Variants in HIVEP3 observed in about 807,000 individuals in gnomAD.
The protein encoded by HIVEP3 is transcription factor HIVEP3.
HIVEP3 carries 49 observed loss-of-function variants against 152.8 expected under a neutral mutation model. That is an observed-to-expected ratio of 0.32 (90% CI 0.26 to 0.41). The LOEUF (loss-of-function observed/expected upper bound fraction) is 0.41. Ranked by LOEUF, HIVEP3 falls within the 10% of genes least tolerant of loss-of-function variation. The probability of loss-of-function intolerance (pLI) is 1.00; values close to 1 mark genes in which losing one functional copy is unlikely to be tolerated. For synonymous variants in HIVEP3, 1,269 were observed against 1,289.0 expected, an observed-to-expected ratio of 0.98 and a Z score of 0.33; for missense variants, 2,790 against 3,103.3, an observed-to-expected ratio of 0.90 and a Z score of 2.40.
At chr1:41,562,868 C>A (rs1051956760) in intron 5 of HIVEP3, among the ~76,000 whole-genome samples, 1 of 152,162 alleles carries the variant, frequency 6.6e-6, no homozygotes, top group South Asian at 2.1e-4. Context: ...AAGGTAAGGA[C>A]GATTGGTGGA....
At chr1:41,545,041 CCACTACCACCACCAT>C (rs1170081843) in intron 5 of HIVEP3, among the ~76,000 whole-genome samples, 11 of 96,216 alleles carry the variant, frequency 1.1e-4, no homozygotes, top group African/African-American at 3.6e-4. Context: ...ACCACCAATA[CCACTACCACCACCAT>C]CACTACCACC....
At chr1:41,717,112 G>A (rs888749715) in intron 1 of HIVEP3, among the ~76,000 whole-genome samples, 8 of 152,208 alleles carry the variant, frequency 5.3e-5, no homozygotes, top group South Asian at 2.1e-4. Flanking sequence ...GGCACCCAGA[G>A]TGGTACCTGG....
chr1:41,515,450 A>G (rs1642575695), intron 7 of HIVEP3, among the ~76,000 whole-genome samples: 1 of 152,144 alleles, frequency 6.6e-6, no homozygotes, highest in African/African-American at 2.4e-5. Flanking sequence ...AGGGCTGGGG[A>G]TGGGGGTGAA....
chr1:41,616,003 G>A lies in HIVEP3; in HGVS notation c.-522+12746C>T, dbSNP rs149640888. Among the ~76,000 whole-genome samples the A allele has an allele frequency of 1.1e-4, 16 of 151,898 alleles. No homozygotes were observed. In the East Asian group the frequency reaches 1.5e-3, roughly 15 times the overall value. On this transcript the variant is annotated intron_variant, in intron 3 of 8. Coordinates refer to ENST00000372583, the MANE Select transcript of HIVEP3 (RefSeq NM_024503.5). ...CTCTGCTAAGATGACACTCTCTACCGCATCTCAAGTGGTTTAACCAAAGGG... is the reference window on the plus strand; with the variant it reads ...CTCTGCTAAGATGACACTCTCTACCACATCTCAAGTGGTTTAACCAAAGGG...
At chr1:41,881,787 G>C (rs1350661224) in intron 1 of HIVEP3, among the ~76,000 whole-genome samples, 2 of 152,192 alleles carry the variant, frequency 1.3e-5, no homozygotes, top group Non-Finnish European at 2.9e-5. Flanking sequence ...TTTTAAAAAT[G>C]TGTTTTATTA....
At chr1:41,529,238 ACC>A (rs1284683628) in intron 5 of HIVEP3, among the ~76,000 whole-genome samples, 1 of 71,972 alleles carries the variant, frequency 1.4e-5, no homozygotes, top group African/African-American at 7.7e-5. Flanking sequence ...ACATGCTCAC[ACC>A]CCCACTCACA....
chr1:41,907,115 G>A (rs1451411870), intron 1 of HIVEP3, among the ~76,000 whole-genome samples: 1 of 152,130 alleles, frequency 6.6e-6, no homozygotes, highest in African/African-American at 2.4e-5. Context: ...TGCCTCCCAG[G>A]TAGAAAGCAT....
intron 1 of HIVEP3, among the ~76,000 whole-genome samples, chr1:41,782,225 G>C (rs1649087734): frequency 2.0e-5 from 3 of 152,192 alleles, no homozygotes; most frequent in African/African-American, 7.2e-5. Flanking sequence ...GACAAATACT[G>C]TATAACTCCA....
chr1:41,704,438 G>A (rs149166110), intron 1 of HIVEP3, among the ~76,000 whole-genome samples: 4 of 152,374 alleles, frequency 2.6e-5, no homozygotes, highest in African/African-American at 9.6e-5. Context: ...TCAGCTTAGA[G>A]AATTCCTTGC....
At chr1:41,540,295 A>G (rs1643496813) in intron 5 of HIVEP3, among the ~76,000 whole-genome samples, 1 of 152,240 alleles carries the variant, frequency 6.6e-6, no homozygotes, top group Non-Finnish European at 1.5e-5. Context: ...AGGTAAGAAA[A>G]GGCTGTGAAC....
At chr1:41,898,808 G>A (rs1200423317) in intron 1 of HIVEP3, among the ~76,000 whole-genome samples, 2 of 152,224 alleles carry the variant, frequency 1.3e-5, no homozygotes, top group African/African-American at 4.8e-5. Context: ...CTAGAGGGTT[G>A]TAAGAATTTA....
chr1:41,523,450 G>T (rs1642817781), intron 6 of HIVEP3, among the ~76,000 whole-genome samples: 1 of 152,112 alleles, frequency 6.6e-6, no homozygotes, highest in South Asian at 2.1e-4. Flanking sequence ...AGCTCAACTT[G>T]CAGATGATGG....
At chr1:41,966,472 A>ATTTTTTTTTTTT (rs1217444785) in intron 1 of HIVEP3, among the ~76,000 whole-genome samples, 33 of 46,530 alleles carry the variant, frequency 7.1e-4, no homozygotes, top group Middle Eastern at 0.013. Flanking sequence ...AGTGTGCTGT[A>ATTTTTTTTTTTT]TTCTTTTTTT....
chr1:41,836,203 C>T (rs865911818), intron 1 of HIVEP3, among the ~76,000 whole-genome samples: 3 of 152,322 alleles, frequency 2.0e-5, no homozygotes, highest in Middle Eastern at 3.4e-3. Context: ...CTGCCTCAGT[C>T]GGGGCCTGGC....
chr1:41,535,456 C>A (rs1643373753), intron 5 of HIVEP3: 1 of 152,262 alleles, frequency 6.6e-6, no homozygotes. Context: ...CACAGGCTGC[C>A]CTTTATCAGG....
chr1:41,513,188 A>G lies in HIVEP3; in HGVS notation c.6033T>C (p.Pro2011=), dbSNP rs777278298. ...CCCTTCCTGGGTCCACGTGCAGGCCAGGTGGGCTTGGGGCTGAGGCCTGTG... is the reference window on the plus strand; with the variant it reads ...CCCTTCCTGGGTCCACGTGCAGGCCGGGTGGGCTTGGGGCTGAGGCCTGTG... ...REPQASAPSP[P]GLHVDPGRGM... The change falls in exon 8 of 9, where the codon CCT becomes CCC. Residue 2011 remains proline, a synonymous_variant. Coordinates refer to ENST00000372583, the MANE Select transcript of HIVEP3 (RefSeq NM_024503.5). 8.7e-5 allele frequency: 140 copies of G among 1,613,690 alleles called. No homozygotes were observed. The highest frequency in any genetic ancestry group is 1.7e-5 in the Non-Finnish European group (20 of 1,179,986).
chr1:41,708,219 T>C (rs1367563297), intron 1 of HIVEP3, among the ~76,000 whole-genome samples: 2 of 152,216 alleles, frequency 1.3e-5, no homozygotes, highest in East Asian at 3.8e-4. Context: ...CCCCATGCAG[T>C]TGAGATTGTA....
intron 4 of HIVEP3, among the ~76,000 whole-genome samples, chr1:41,579,013 C>T (rs1644362361): frequency 6.6e-6 from 1 of 152,242 alleles, no homozygotes; most frequent in African/African-American, 2.4e-5. Context: ...GAATTTCAAA[C>T]TTGCTGAGCT....
chr1:41,640,285 C>A (rs1238986301), intron 2 of HIVEP3, among the ~76,000 whole-genome samples: 1 of 15,516 alleles, frequency 6.4e-5, no homozygotes, highest in South Asian at 2.9e-3. Context: ...GGTTGGGGGG[C>A]GGGGGAAGGT....
Sources: gnomAD v4.1 joint callset for allele counts (sites outside exome capture counted in the v4.1 genomes callset) on GRCh38, gnomAD v4.1.1 for gene constraint, MANE v1.5 for transcripts, NCBI Gene and HGNC (gene_info 2026-07-23, HGNC 2026-07-21) for gene names.